COL13A1: variants seen among roughly 807,000 people sequenced by gnomAD.
The protein encoded by COL13A1 is collagen type XIII alpha 1 chain.
COL13A1 carries 89 observed loss-of-function variants against 130.9 expected under a neutral mutation model. That is an observed-to-expected ratio of 0.68 (90% CI 0.57 to 0.81). COL13A1 has a LOEUF of 0.81. COL13A1 is among the 30% of genes least tolerant of loss of function. The pLI is 0.00. For synonymous variants in COL13A1, 402 were observed against 341.6 expected, an observed-to-expected ratio of 1.18 and a Z score of -1.95; for missense variants, 879 against 934.6, an observed-to-expected ratio of 0.94 and a Z score of 0.78.
At chr10:69,880,581 T>A (rs756716637) in intron 7 of COL13A1, 28 bp downstream of exon 7, 23 of 1,609,984 alleles carry the variant, frequency 1.4e-5, no homozygotes, top group Non-Finnish European at 2.0e-5. Flanking sequence ...TTCCTCGGGG[T>A]GTTGGGGGGA....
intron 6 of COL13A1, among the ~76,000 whole-genome samples, chr10:69,878,425 C>T (rs1486254319): frequency 6.6e-6 from 1 of 152,136 alleles, no homozygotes; most frequent in African/African-American, 2.4e-5. Flanking sequence ...GTCAGAAATC[C>T]AGAAGCCATC....
chr10:69,823,949 A>G (rs892971442), intron 2 of COL13A1, among the ~76,000 whole-genome samples: 15 of 152,206 alleles, frequency 9.9e-5, no homozygotes, highest in Admixed American at 5.2e-4. Context: ...GGGACAGCCC[A>G]TGTTTCCAAG....
intron 39 of COL13A1, chr10:69,953,816 GGATT>G (rs2070090312): frequency 6.5e-6 from 1 of 152,784 alleles, no homozygotes; most frequent in Non-Finnish European, 1.5e-5. Context: ...GGATCACCTG[GGATT>G]TAGCCCCTGT....
intron 2 of COL13A1, among the ~76,000 whole-genome samples, chr10:69,843,735 T>G (rs1852238544): frequency 2.6e-5 from 4 of 152,230 alleles, no homozygotes; most frequent in Admixed American, 2.6e-4. Context: ...GCTCAGCTAA[T>G]GTTTGCCATG....
chr10:69,819,041 GCTGTTTGCT>G (rs764491963), intron 1 of COL13A1, among the ~76,000 whole-genome samples: 5 of 152,228 alleles, frequency 3.3e-5, no homozygotes, highest in Non-Finnish European at 7.3e-5. Context: ...ACCAAGCTCA[GCTGTTTGCT>G]GATGGACTGT....
At chr10:69,829,091 A>G (rs903203834) in intron 2 of COL13A1, among the ~76,000 whole-genome samples, 1 of 152,010 alleles carries the variant, frequency 6.6e-6, no homozygotes. Context: ...CCTTTCCAAC[A>G]TTCTCGACCT....
intron 10 of COL13A1, among the ~76,000 whole-genome samples, chr10:69,890,829 A>T (rs1437382230): frequency 6.6e-6 from 1 of 152,234 alleles, no homozygotes; most frequent in Non-Finnish European, 1.5e-5. Context: ...TCTGTGCTCC[A>T]GGTCTTGCTA....
At chr10:69,876,932 G>A (rs1056174192) in intron 5 of COL13A1, among the ~76,000 whole-genome samples, 4 of 152,126 alleles carry the variant, frequency 2.6e-5, no homozygotes, top group Admixed American at 6.5e-5. Context: ...GGGCCTTCCC[G>A]TCCTGTCCGT....
At chr10:69,879,437 G>A (rs1452084420) in intron 6 of COL13A1, 1 of 152,230 alleles carries the variant, frequency 6.6e-6, no homozygotes, top group East Asian at 1.9e-4. Context: ...TAAGTCGCTT[G>A]CCCAAGGTCA....
intron 3 of COL13A1, among the ~76,000 whole-genome samples, chr10:69,870,998 G>A (rs1035133444): frequency 6.6e-6 from 1 of 152,080 alleles, no homozygotes; most frequent in African/African-American, 2.4e-5. Context: ...GATGTCGGTT[G>A]TAAGGACACA....
intron 34 of COL13A1, among the ~76,000 whole-genome samples, chr10:69,939,713 G>C (rs1222074446): frequency 1.3e-5 from 2 of 152,200 alleles, no homozygotes; most frequent in African/African-American, 4.8e-5. Flanking sequence ...TGGAGATTTT[G>C]AATTGCATCG....
At chr10:69,934,361 G>T (rs1033304013) in intron 31 of COL13A1, among the ~76,000 whole-genome samples, 4 of 152,174 alleles carry the variant, frequency 2.6e-5, no homozygotes, top group Admixed American at 2.6e-4. Flanking sequence ...TAAGAAGGCA[G>T]AGTTTCCAAA....
intron 2 of COL13A1, among the ~76,000 whole-genome samples, chr10:69,861,646 T>C (rs565217384): frequency 1.2e-3 from 184 of 152,300 alleles, no homozygotes; most frequent in Non-Finnish European, 2.3e-3. Flanking sequence ...CCCCTGAGTC[T>C]CACCTCCAGG....
At chr10:69,886,360 T>G (rs963655804) in intron 7 of COL13A1, among the ~76,000 whole-genome samples, 1 of 152,236 alleles carries the variant, frequency 6.6e-6, no homozygotes, top group Non-Finnish European at 1.5e-5. Flanking sequence ...GACAACTTGC[T>G]GAGGGTCACA....
intron 14 of COL13A1, among the ~76,000 whole-genome samples, chr10:69,902,109 G>A (rs944660705): frequency 2.0e-5 from 3 of 152,204 alleles, no homozygotes; most frequent in Admixed American, 1.3e-4. Context: ...CTCCTTGGAC[G>A]TAGGAATGTG....
intron 7 of COL13A1, among the ~76,000 whole-genome samples, chr10:69,882,972 T>A (rs2060288699): frequency 6.6e-6 from 1 of 152,176 alleles, no homozygotes; most frequent in African/African-American, 2.4e-5. Context: ...AGAAGTCAAG[T>A]GGGCACCCTT....
chr10:69,957,973 A>T (rs918934290), intron 40 of COL13A1, among the ~76,000 whole-genome samples: 3 of 152,158 alleles, frequency 2.0e-5, no homozygotes, highest in Non-Finnish European at 2.9e-5. Flanking sequence ...AATGAGATGA[A>T]CAAGCTCCCC....
chr10:69,928,175 A>C (rs2065629362), intron 27 of COL13A1, among the ~76,000 whole-genome samples: 1 of 152,206 alleles, frequency 6.6e-6, no homozygotes, highest in Admixed American at 6.5e-5. Flanking sequence ...TGAAATAGCT[A>C]TTGGAAATAA....
At position 69,822,485 on chromosome 10, in the gene COL13A1, G is replaced by T; in HGVS notation, c.364+47G>T. ...TGACCGCGGATGTTCCTAAGACTGA[G>T]ACCAGAGGCTCTTCCTGGTGGCCAT... On this transcript the variant is annotated intron_variant, in intron 2 of 40. Coordinates refer to ENST00000645393, the MANE Select transcript of COL13A1 (RefSeq NM_001368882.1). 3 of 1,419,942 alleles carry T rather than the reference G, an allele frequency of 2.1e-6. No individual in the cohort carries two copies. The South Asian group carries it at 4.2e-5, about 20-fold the overall frequency. The allele number at this position is 1,419,942 out of a possible 1,614,324, so 88.0% of individuals were successfully genotyped here. A position where few individuals can be genotyped will look rare whatever the true frequency, so the allele number is the denominator to read the frequency against.
Sources: allele counts gnomAD v4.1 joint callset (sites outside exome capture counted in the v4.1 genomes callset), GRCh38; gene constraint gnomAD v4.1.1; transcripts MANE v1.5; gene names NCBI Gene and HGNC (gene_info 2026-07-23, HGNC 2026-07-21).